Variants in RBFOX1 observed in about 807,000 individuals in gnomAD.
The protein encoded by RBFOX1 is RNA binding fox-1 homolog 1, also known as RNA binding protein fox-1 homolog 1.
A neutral mutation model predicts 57.7 loss-of-function variants in RBFOX1; 8 were observed. The ratio of observed to expected loss-of-function variants is 0.14; its 90% CI spans 0.08 to 0.25. The LOEUF is 0.25. Ranked by LOEUF, RBFOX1 falls within the 10% of genes least tolerant of loss-of-function variation. The pLI is 1.00. For missense variants in RBFOX1, 611 were observed against 548.5 expected, an observed-to-expected ratio of 1.11 and a Z score of -1.14; for synonymous variants, 326 against 222.4, an observed-to-expected ratio of 1.47 and a Z score of -4.15.
rs185748628 is a variant in RBFOX1 at position 6,271,890 on chromosome 16, A to C, written c.-126-45105A>C. Among the ~76,000 whole-genome samples, 280 of 152,302 alleles carry C rather than the reference A, an allele frequency of 1.8e-3. 4 individuals carry two copies. The highest frequency in any genetic ancestry group is 0.014 in the Admixed American group (220 of 15,288). ...GATTTAGAATGAAGCATTAACACCA[A>C]GTCCATATATCCTCTTCCAGAAAAC... On this transcript the variant is annotated intron_variant, in intron 1 of 15. Coordinates refer to ENST00000550418, the MANE Select transcript of RBFOX1 (RefSeq NM_018723.4).
chr16:6,861,176 A>G (rs975074199), intron 3 of RBFOX1, among the ~76,000 whole-genome samples: 46 of 152,320 alleles, frequency 3.0e-4, no homozygotes, highest in African/African-American at 1.1e-3. Flanking sequence ...GTATTGCATA[A>G]GAAAAAAGAG....
chr16:6,598,092 G>A (rs1009552669), intron 2 of RBFOX1, among the ~76,000 whole-genome samples: 2 of 152,288 alleles, frequency 1.3e-5, no homozygotes, highest in Admixed American at 6.5e-5. Context: ...GTGGCAGAAG[G>A]CATCCTTATA....
chr16:7,693,450 C>G, intron 14 of RBFOX1: 1 of 988,328 alleles, frequency 1.0e-6, no homozygotes, highest in Admixed American at 2.3e-5. Flanking sequence ...TCACATGCTG[C>G]AGTTGGTCAC....
intron 3 of RBFOX1, among the ~76,000 whole-genome samples, chr16:5,676,448 C>G (rs2050171551): frequency 6.6e-6 from 1 of 152,186 alleles, no homozygotes; most frequent in South Asian, 2.1e-4. Flanking sequence ...ACATCTCCCT[C>G]TCACTAGCTG....
chr16:5,829,320 A>G (rs1030274683), intron 3 of RBFOX1, among the ~76,000 whole-genome samples: 1 of 152,208 alleles, frequency 6.6e-6, no homozygotes, highest in Non-Finnish European at 1.5e-5. Flanking sequence ...GGGGAGTCAC[A>G]TGATGAGCTA....
At chr16:6,895,862 GATC>G (rs1046279765) in intron 3 of RBFOX1, among the ~76,000 whole-genome samples, 9 of 151,954 alleles carry the variant, frequency 5.9e-5, no homozygotes, top group Admixed American at 1.3e-4. Context: ...GTAAAATGAA[GATC>G]ATCATAGTAC....
chr16:5,590,469 T>G (rs1478736035), intron 2 of RBFOX1, among the ~76,000 whole-genome samples: 2 of 152,180 alleles, frequency 1.3e-5, no homozygotes, highest in African/African-American at 4.8e-5. Flanking sequence ...TACGAAGGGC[T>G]GGGGGTGGTT....
chr16:6,129,716 A>G (rs1170536456), intron 1 of RBFOX1, among the ~76,000 whole-genome samples: 1 of 150,266 alleles, frequency 6.7e-6, no homozygotes, highest in African/African-American at 2.5e-5. Flanking sequence ...AAAAAAAAAA[A>G]GAACTAAACT....
intron 14 of RBFOX1, among the ~76,000 whole-genome samples, chr16:7,691,429 AAAGAAAACGGAAAGGAAAGGAGAAAAGG>A (rs2077304841): frequency 7.1e-6 from 1 of 141,550 alleles, no homozygotes; most frequent in Admixed American, 7.0e-5. Flanking sequence ...GAAAGAACGG[AAAGAAAACGGAAAGGAAAGGAGAAAAGG>A]AAGGAAAGGG....
intron 3 of RBFOX1, among the ~76,000 whole-genome samples, chr16:6,931,292 T>C (rs1199825872): frequency 1.8e-5 from 2 of 108,756 alleles, no homozygotes; most frequent in Non-Finnish European, 3.8e-5. Flanking sequence ...TGTCTGTCTG[T>C]CTGTCTATCT....
At chr16:7,361,755 G>A (rs767924283) in intron 4 of RBFOX1, among the ~76,000 whole-genome samples, 50 of 152,260 alleles carry the variant, frequency 3.3e-4, no homozygotes, top group Middle Eastern at 3.4e-3. Context: ...AGAGAGACTC[G>A]AGGCTGCATC....
intron 3 of RBFOX1, among the ~76,000 whole-genome samples, chr16:6,711,766 C>G (rs548548165): frequency 1.3e-5 from 2 of 152,330 alleles, no homozygotes; most frequent in South Asian, 2.1e-4. Context: ...TCTCACCACT[C>G]TCATTCTAGA....
At chr16:6,883,392 G>C (rs9927533) in intron 3 of RBFOX1, among the ~76,000 whole-genome samples, 1 of 152,224 alleles carries the variant, frequency 6.6e-6, no homozygotes, top group African/African-American at 2.4e-5. Context: ...TAAAATCACA[G>C]ATTTCAAAAT....
intron 3 of RBFOX1, among the ~76,000 whole-genome samples, chr16:6,660,373 C>T (rs540236008): frequency 2.0e-5 from 3 of 152,094 alleles, no homozygotes; most frequent in Non-Finnish European, 2.9e-5. Flanking sequence ...ACCTGCACAT[C>T]CCGCACATGT....
At chr16:6,385,939 C>CTTT (rs763480257) in intron 2 of RBFOX1, among the ~76,000 whole-genome samples, 8 of 71,382 alleles carry the variant, frequency 1.1e-4, no homozygotes, top group South Asian at 8.5e-4. Context: ...TTTTTTCTTT[C>CTTT]TTTTTTTTTT....
chr16:6,090,718 C>G lies in RBFOX1; in HGVS notation c.-127+70726C>G, dbSNP rs183408233. 2.2e-4 allele frequency among the ~76,000 whole-genome samples: 33 copies of G among 152,302 alleles called. No homozygotes were observed. In the East Asian group the frequency reaches 6.4e-3, roughly 29 times the overall value. ...TTGACAACCTGCCATCTCTAATTAG[C>G]TCCAGGGCCCCTTAGTGCAGTAAAC... On this transcript the variant is annotated intron_variant, in intron 1 of 15. Coordinates refer to ENST00000550418, the MANE Select transcript of RBFOX1 (RefSeq NM_018723.4).
chr16:5,423,652 T>C (rs1185790713), intron 1 of RBFOX1, among the ~76,000 whole-genome samples: 1 of 152,184 alleles, frequency 6.6e-6, no homozygotes, highest in Non-Finnish European at 1.5e-5. Flanking sequence ...GCTGTCTTAT[T>C]GATATAATAT....
chr16:5,762,684 A>T (rs2053631804), intron 3 of RBFOX1, among the ~76,000 whole-genome samples: 1 of 152,216 alleles, frequency 6.6e-6, no homozygotes, highest in Non-Finnish European at 1.5e-5. Context: ...TGAAAATTCC[A>T]ATAACGGGGA....
chr16:6,918,315 A>G (rs1375606772), intron 3 of RBFOX1, among the ~76,000 whole-genome samples: 2 of 148,744 alleles, frequency 1.3e-5, no homozygotes, highest in African/African-American at 2.5e-5. Flanking sequence ...ACATTTGGGG[A>G]CTCCACCCCA....
Sources: allele counts gnomAD v4.1 joint callset (sites outside exome capture counted in the v4.1 genomes callset), GRCh38; gene constraint gnomAD v4.1.1; transcripts MANE v1.5; gene names NCBI Gene and HGNC (gene_info 2026-07-23, HGNC 2026-07-21).